The following VAC14 variants were observed in gnomAD, a reference collection of about 807,000 sequenced individuals.
VAC14 encodes the protein protein VAC14 homolog.
VAC14 carries 47 observed loss-of-function variants against 85.3 expected under a neutral mutation model. That is an observed-to-expected ratio of 0.55 (90% CI 0.44 to 0.70). VAC14 has a LOEUF of 0.70. Among genes scored for constraint, VAC14 ranks in the 30% least tolerant of loss-of-function variants. The pLI, the probability that VAC14 is intolerant of heterozygous loss-of-function variation, is 0.00. For missense variants in VAC14, 861 were observed against 1,004.3 expected (o/e 0.86, Z 1.93); for synonymous variants, 447 against 430.5 (o/e 1.04, Z -0.47).
chr16:70,758,086 A>T (rs1409664818), intron 12 of VAC14, among the ~76,000 whole-genome samples: 1 of 152,038 alleles, frequency 6.6e-6, no homozygotes, highest in Non-Finnish European at 1.5e-5. Flanking sequence ...TACTCATCAT[A>T]AGTGAATAAA....
chr16:70,753,428 A>G (rs138766644), intron 12 of VAC14, among the ~76,000 whole-genome samples: 6 of 152,270 alleles, frequency 3.9e-5, no homozygotes, highest in African/African-American at 1.4e-4. Flanking sequence ...AGAGGAGGAA[A>G]AATCAACACA....
At chr16:70,783,340 G>C in intron 6 of VAC14, 105 bp downstream of exon 6, 2 of 1,191,786 alleles carry the variant, frequency 1.7e-6, no homozygotes, top group Non-Finnish European at 2.5e-6. Context: ...AGGAAGAAGA[G>C]GTGATTTCCT....
At chr16:70,755,158 A>G in intron 12 of VAC14, 1 of 289,510 alleles carries the variant, frequency 3.5e-6, no homozygotes, top group Non-Finnish European at 6.9e-6. Flanking sequence ...AGGCCTGGCC[A>G]CCGGCCTCAG....
At chr16:70,791,541 C>T (rs185604923) in intron 1 of VAC14, among the ~76,000 whole-genome samples, 4 of 152,128 alleles carry the variant, frequency 2.6e-5, no homozygotes, top group African/African-American at 9.7e-5. Context: ...CCTGCCATCA[C>T]GCCTGGCTAA....
chr16:70,768,600 A>T, intron 10 of VAC14: 3 of 323,760 alleles, frequency 9.3e-6, no homozygotes, highest in South Asian at 6.7e-5. Context: ...GCCTGGGGCC[A>T]CCAGGGGCTT....
At chr16:70,760,034 AGCG>A (rs2032197813) in intron 12 of VAC14, among the ~76,000 whole-genome samples, 1 of 152,338 alleles carries the variant, frequency 6.6e-6, no homozygotes, top group Admixed American at 6.5e-5. Flanking sequence ...TGAAGGGTCT[AGCG>A]CGATTCCTCC....
chr16:70,721,191 G>A (rs1326913886), intron 14 of VAC14, among the ~76,000 whole-genome samples: 2 of 152,304 alleles, frequency 1.3e-5, no homozygotes, highest in African/African-American at 4.8e-5. Flanking sequence ...CCAGAATAAG[G>A]GACAGGCCGG....
intron 12 of VAC14, among the ~76,000 whole-genome samples, chr16:70,756,618 C>T (rs1416602983): frequency 1.3e-5 from 2 of 152,158 alleles, no homozygotes; most frequent in Non-Finnish European, 2.9e-5. Flanking sequence ...TTCCTCTCCC[C>T]TCAGGACTCA....
chr16:70,748,135 A>C (rs938975615), intron 12 of VAC14, among the ~76,000 whole-genome samples: 1 of 132,508 alleles, frequency 7.5e-6, no homozygotes, highest in Non-Finnish European at 1.5e-5. Context: ...CTGGTCCCCA[A>C]ACCTGAGCCT....
At position 70,781,727 on chromosome 16, in the gene VAC14, T is replaced by G. The variant is rs77373379; in HGVS notation, c.946+142A>C. The G allele has an allele frequency of 3.9e-3, 4,751 of 1,208,596 alleles. 151 individuals are homozygous for G. The African/African-American group carries it at 0.066, about 17-fold the overall frequency. The allele number at this position is 1,208,596 out of a possible 1,614,324, so 74.9% of individuals were successfully genotyped here. ...CTGGCTTTCCTAATCCACGTTTGGC[T>G]CCATCTCTTTTTCCCGAGCTGCTAG... On this transcript the variant is annotated intron_variant, in intron 8 of 18. Transcript: ENST00000261776.
chr16:70,722,756 A>G (rs954017559), intron 14 of VAC14, among the ~76,000 whole-genome samples: 2 of 152,236 alleles, frequency 1.3e-5, no homozygotes, highest in Non-Finnish European at 2.9e-5. Flanking sequence ...TCTAGGGGCC[A>G]GTTCCAAACC....
chr16:70,778,552 A>T (rs916663739), intron 9 of VAC14: 1 of 152,094 alleles, frequency 6.6e-6, no homozygotes, highest in African/African-American at 2.4e-5. Context: ...CCTCTATTTA[A>T]TTCTAGAACA....
At chr16:70,730,225 G>C (rs113845404) in intron 14 of VAC14, among the ~76,000 whole-genome samples, 2 of 151,820 alleles carry the variant, frequency 1.3e-5, no homozygotes, top group African/African-American at 4.8e-5. Context: ...CAGCCTCCCA[G>C]CTGGCTCCAC....
chr16:70,757,062 T>G (rs2031925490), intron 12 of VAC14, among the ~76,000 whole-genome samples: 1 of 152,250 alleles, frequency 6.6e-6, no homozygotes. Context: ...TCTGTTACTC[T>G]GAAGCTACGG....
At chr16:70,689,522 C>T in intron 18 of VAC14, 1 of 985,556 alleles carries the variant, frequency 1.0e-6, no homozygotes, top group Non-Finnish European at 1.2e-6. Flanking sequence ...ACTCTTCCCA[C>T]AGTTGAGATG....
intron 12 of VAC14, chr16:70,747,044 C>T (rs866680400): frequency 2.0e-5 from 3 of 152,150 alleles, no homozygotes; most frequent in East Asian, 1.9e-4. Flanking sequence ...ATGCTCACAG[C>T]GGCATTTTTC....
intron 18 of VAC14, chr16:70,689,465 T>C: frequency 2.0e-5 from 19 of 935,168 alleles, no homozygotes; most frequent in Non-Finnish European, 2.4e-5. Flanking sequence ...AGCCTGACAG[T>C]TGCTTCAGGT....
intron 14 of VAC14, among the ~76,000 whole-genome samples, chr16:70,722,683 A>G (rs1336062887): frequency 6.6e-6 from 1 of 152,190 alleles, no homozygotes; most frequent in African/African-American, 2.4e-5. Context: ...AAGGGCACCC[A>G]CATTTGTCTG....
intron 5 of VAC14, among the ~76,000 whole-genome samples, 178 bp from the exon 6 acceptor site, chr16:70,783,732 T>C (rs2033922579): frequency 6.6e-6 from 1 of 152,184 alleles, no homozygotes; most frequent in African/African-American, 2.4e-5. Context: ...TCTTGTTTAA[T>C]GTGCAGGGGA....
Sources: gnomAD v4.1 joint callset for allele counts (sites outside exome capture counted in the v4.1 genomes callset) on GRCh38, gnomAD v4.1.1 for gene constraint, MANE v1.5 for transcripts, NCBI Gene and HGNC (gene_info 2026-07-23, HGNC 2026-07-21) for gene names.